The following JAKMIP3 variants were observed in gnomAD, a reference collection of about 807,000 sequenced individuals.
JAKMIP3 encodes janus kinase and microtubule-interacting protein 3.
Under a neutral mutation model 118.5 loss-of-function variants are expected in JAKMIP3, and 58 were observed. That is an observed-to-expected ratio of 0.49 (90% CI 0.40 to 0.61). The LOEUF (loss-of-function observed/expected upper bound fraction) is 0.61, where lower values mean the gene tolerates loss of function less well. Among genes scored for constraint, JAKMIP3 ranks in the 20% least tolerant of loss-of-function variants. JAKMIP3 has a pLI of 0.00. For missense variants in JAKMIP3, 950 were observed against 1,109.0 expected (o/e 0.86, Z 2.04); for synonymous variants, 486 against 451.2 (o/e 1.08, Z -0.98).
At chr10:132,100,812 A>T (rs12355105) in intron 1 of JAKMIP3, among the ~76,000 whole-genome samples, 1 of 126,838 alleles carries the variant, frequency 7.9e-6, no homozygotes, top group Non-Finnish European at 1.8e-5. Flanking sequence ...CGCGCTCCCC[A>T]TTCTCTCTGC....
intron 1 of JAKMIP3, among the ~76,000 whole-genome samples, chr10:132,038,093 A>G (rs1019620207): frequency 5.3e-5 from 8 of 152,234 alleles, no homozygotes; most frequent in Admixed American, 5.2e-4. Context: ...TTTCAAGCAA[A>G]TTGATCTGTC....
At chr10:132,162,248 T>A (rs2058431230) in intron 19 of JAKMIP3, among the ~76,000 whole-genome samples, 1 of 152,208 alleles carries the variant, frequency 6.6e-6, no homozygotes, top group African/African-American at 2.4e-5. Flanking sequence ...GAGACCGTGG[T>A]CTGTGTGGCT....
At chr10:132,073,606 C>T (rs773854649) in intron 1 of JAKMIP3, among the ~76,000 whole-genome samples, 10 of 151,792 alleles carry the variant, frequency 6.6e-5, no homozygotes, top group Non-Finnish European at 1.2e-4. Context: ...AAGCGATTCT[C>T]CTACCTCAGC....
intron 4 of JAKMIP3, among the ~76,000 whole-genome samples, chr10:132,134,120 T>G (rs2051235169): frequency 1.3e-5 from 2 of 152,182 alleles, no homozygotes; most frequent in South Asian, 4.1e-4. Flanking sequence ...TTGCTGCCGC[T>G]CCGCACTCAT....
Position 132,085,049 on chromosome 10 carries a change from C to A in JAKMIP3, c.-138+18988C>A, listed in dbSNP as rs543689695. 8.5e-5 allele frequency among the ~76,000 whole-genome samples: 13 copies of A among 152,076 alleles called. No individual in the cohort carries two copies. The South Asian group carries it at 2.1e-3, about 24-fold the overall frequency. ...TCTAGTTTTCTTTTTTAGTTATGTC[C>A]TTTCCTTGTTTTGGTGTTAGGGTGA... is the stretch of plus-strand genomic sequence containing the variant. On this transcript the variant is annotated intron_variant, in intron 1 of 23. Transcript: ENST00000684848.
rs548218975 is a variant in JAKMIP3 at position 132,179,556 on chromosome 10, C to A, written c.*1104-2801C>A. On this transcript the variant is annotated intron_variant, in intron 23 of 23. Coordinates refer to ENST00000684848, the MANE Select transcript of JAKMIP3 (RefSeq NM_001323087.2). The surrounding 1 kb of genome is among the most constrained non-coding windows in gnomAD (Gnocchi z 4.3). ...GCCAAGTACGTAAAAGAATGCGCTC[C>A]CTGAAGGCAATTCGCAGCCCCATGT... Among the ~76,000 whole-genome samples the A allele has an allele frequency of 6.6e-6, 1 of 152,144 alleles. No homozygotes were observed. Among genetic ancestry groups the A allele is most frequent in the Non-Finnish European group, 1.5e-5 (1 of 68,030 alleles).
intron 11 of JAKMIP3, among the ~76,000 whole-genome samples, chr10:132,142,627 G>A (rs1042332640): frequency 2.0e-4 from 30 of 152,314 alleles, no homozygotes; most frequent in South Asian, 4.1e-4. Context: ...TCTGCGGGCC[G>A]TGGAGGGCAG....
At chr10:132,068,438 G>GA (rs2039277523) in intron 1 of JAKMIP3, among the ~76,000 whole-genome samples, 1 of 152,112 alleles carries the variant, frequency 6.6e-6, no homozygotes, top group Non-Finnish European at 1.5e-5. Context: ...GACTCTTTTT[G>GA]AAAGAGCCTA....
chr10:132,059,854 G>A (rs2038344139), upstream of JAKMIP3, among the ~76,000 whole-genome samples: 1 of 152,244 alleles, frequency 6.6e-6, no homozygotes, highest in Non-Finnish European at 1.5e-5. Flanking sequence ...TGGAGAACCA[G>A]AGGGACTGAG....
At chr10:132,102,268 T>C (rs936697024) in intron 1 of JAKMIP3, among the ~76,000 whole-genome samples, 3 of 152,070 alleles carry the variant, frequency 2.0e-5, no homozygotes. Flanking sequence ...AGACAGGCAG[T>C]GCGCCGGGCC....
At chr10:132,170,207 C>A (rs2059349399) in intron 23 of JAKMIP3, 1 of 152,232 alleles carries the variant, frequency 6.6e-6, no homozygotes, top group Non-Finnish European at 1.5e-5. Flanking sequence ...GCTGGAGCTC[C>A]AAGCATAACA....
At chr10:132,134,892 C>T (rs1218641683) in intron 4 of JAKMIP3, 149 bp from the exon 5 acceptor site, 16 of 994,058 alleles carry the variant, frequency 1.6e-5, no homozygotes, top group Admixed American at 2.6e-5. Context: ...TGCCTTTCCC[C>T]GGGGGGCTCC....
At chr10:132,040,727 G>A (rs1338722280) in intron 1 of JAKMIP3, among the ~76,000 whole-genome samples, 3 of 150,296 alleles carry the variant, frequency 2.0e-5, no homozygotes, top group African/African-American at 7.4e-5. Flanking sequence ...TTAAGTGTAC[G>A]ACACTTAAAG....
intron 1 of JAKMIP3, among the ~76,000 whole-genome samples, chr10:132,068,172 G>A (rs566120952): frequency 5.1e-5 from 7 of 138,584 alleles, no homozygotes; most frequent in Admixed American, 1.4e-4. Context: ...GGGTTTCTGC[G>A]TGGTCTGGAC....
chr10:132,077,386 A>G lies in JAKMIP3; in HGVS notation c.-138+11325A>G, dbSNP rs111602975. Among the ~76,000 whole-genome samples, 508 of 152,138 alleles carry G rather than the reference A, an allele frequency of 3.3e-3. 7 individuals carry two copies. Among genetic ancestry groups the G allele is most frequent in the African/African-American group, 0.012 (480 of 41,508 alleles). ...AGTGCCTGGTGCCCTCCCCTATCTG[A>G]GAACTTGGTCCCAGCTCTTCTGAAG... On this transcript the variant is annotated intron_variant, in intron 1 of 23. Transcript: ENST00000684848.
rs1006724287 is a variant in JAKMIP3, at chr10:132,183,594, T to C, written c.*2341T>C. 2.0e-5 allele frequency: 3 copies of C among 152,202 alleles called. No homozygotes were observed. The highest frequency in any genetic ancestry group is 7.2e-5 in the African/African-American group (3 of 41,444). The allele number at this position is 152,202 out of a possible 1,614,324, so 9.4% of individuals were successfully genotyped here. ...GTTGTAATTGTTTATATGTAAAAAG[T>C]ATGTATATAGGAACGGGAGAAGGTG... On this transcript the variant is annotated 3_prime_UTR_variant, in exon 24 of 24. Transcript: ENST00000684848.
intron 23 of JAKMIP3, chr10:132,181,647 G>A (rs188284707): frequency 2.0e-5 from 3 of 152,366 alleles, no homozygotes; most frequent in East Asian, 3.9e-4. Context: ...AAGTAAACAT[G>A]TATGTGTCAT....
chr10:132,132,429 C>T (rs562466464), intron 3 of JAKMIP3, among the ~76,000 whole-genome samples: 1 of 152,174 alleles, frequency 6.6e-6, no homozygotes, highest in Non-Finnish European at 1.5e-5. Flanking sequence ...CTGCTGTGCC[C>T]GCGTTCTGGC....
Position 132,113,956 on chromosome 10 carries a change from C to T in JAKMIP3, c.136-3121C>T, listed in dbSNP as rs1291639768. On this transcript the variant is annotated intron_variant, in intron 2 of 23. Transcript: ENST00000684848. ...GCCTCTCCCGGGAGGATGCCTGTGC[C>T]GTGCGACTTTGTAGAGCTTTGCTTT... Among the ~76,000 whole-genome samples the T allele has an allele frequency of 2.0e-5, 3 of 152,352 alleles. No homozygotes were observed. The East Asian group carries it at 5.8e-4, about 29-fold the overall frequency.
Sources: gnomAD v4.1 joint callset for allele counts (sites outside exome capture counted in the v4.1 genomes callset) on GRCh38, gnomAD v4.1.1 for gene constraint, Gnocchi (gnomAD v3.1) non-coding constraint, MANE v1.5 for transcripts, NCBI Gene and HGNC (gene_info 2026-07-23, HGNC 2026-07-21) for gene names.